PPP1R12B: variants seen among roughly 807,000 people sequenced by gnomAD.
PPP1R12B encodes the protein protein phosphatase 1 regulatory subunit 12B.
Under a neutral mutation model 126.1 loss-of-function variants are expected in PPP1R12B, and 76 were observed. The ratio of observed to expected loss-of-function variants is 0.60; its 90% CI spans 0.50 to 0.73. The LOEUF (loss-of-function observed/expected upper bound fraction) is 0.73, where lower values mean the gene tolerates loss of function less well. Among genes scored for constraint, PPP1R12B ranks in the 30% least tolerant of loss-of-function variants. The pLI, the probability that PPP1R12B is intolerant of heterozygous loss-of-function variation, is 0.00. For synonymous variants in PPP1R12B, 356 were observed against 434.7 expected, an observed-to-expected ratio of 0.82 and a Z score of 2.25; for missense variants, 1,052 against 1,205.1, an observed-to-expected ratio of 0.87 and a Z score of 1.88.
chr1:202,486,142 A>C (rs1171339749), intron 13 of PPP1R12B, among the ~76,000 whole-genome samples: 1 of 152,176 alleles, frequency 6.6e-6, no homozygotes, highest in South Asian at 2.1e-4. Flanking sequence ...TGGGCCTCCC[A>C]AAGTGTTGGG....
intron 1 of PPP1R12B, among the ~76,000 whole-genome samples, chr1:202,407,246 A>T (rs1666740196): frequency 6.6e-6 from 1 of 152,214 alleles, no homozygotes; most frequent in South Asian, 2.1e-4. Context: ...CGAAGGGCTT[A>T]TTAGAATCCA....
intron 13 of PPP1R12B, chr1:202,462,916 T>C (rs1319445032): frequency 1.0e-6 from 1 of 985,230 alleles, no homozygotes; most frequent in African/African-American, 1.7e-5. Flanking sequence ...GATCTGGCAA[T>C]AGAGTTCCTT....
chr1:202,365,980 A>T (rs1571608470), intron 1 of PPP1R12B, among the ~76,000 whole-genome samples: 1 of 151,852 alleles, frequency 6.6e-6, no homozygotes, highest in African/African-American at 2.4e-5. Context: ...ACCGAGCAAG[A>T]CCCTGTCCCT....
chr1:202,427,001 T>C (rs1424042548), intron 4 of PPP1R12B, 39 bp from the exon 5 acceptor site: 22 of 1,598,288 alleles, frequency 1.4e-5, no homozygotes, highest in Non-Finnish European at 1.9e-5. Context: ...AATTGTAATA[T>C]ACAGAAGATA....
rs189673437 is a variant in PPP1R12B at position 202,549,291 on chromosome 1, G to A, written c.2491-9586G>A. 4.9e-3 allele frequency among the ~76,000 whole-genome samples: 742 copies of A among 152,146 alleles called. 2 individuals are homozygous for A. The highest frequency in any genetic ancestry group is 9.1e-3 in the South Asian group (44 of 4,824). On this transcript the variant is annotated intron_variant, in intron 18 of 23. Transcript: ENST00000608999. ...GACTTCAAGCTGATGTATCCACTAA[G>A]CTTGTTCCTTCCATTATCACCTTGC... is the stretch of plus-strand genomic sequence containing the variant.
intron 18 of PPP1R12B, among the ~76,000 whole-genome samples, chr1:202,551,399 G>A (rs552996940): frequency 1.3e-3 from 202 of 152,222 alleles, no homozygotes; most frequent in African/African-American, 4.0e-3. Context: ...ATGGACGCCT[G>A]TTTTTTTCCC....
At chr1:202,393,085 A>G (rs1664382150) in intron 1 of PPP1R12B, among the ~76,000 whole-genome samples, 2 of 152,098 alleles carry the variant, frequency 1.3e-5, no homozygotes, top group Non-Finnish European at 2.9e-5. Flanking sequence ...GGCTGGGACT[A>G]CAGGCACACA....
At chr1:202,575,456 C>T (rs770540465) in intron 23 of PPP1R12B, 18 of 285,852 alleles carry the variant, frequency 6.3e-5, no homozygotes, top group Non-Finnish European at 1.2e-4. Context: ...CATAGGTATA[C>T]ACGTGTATGT....
At position 202,493,007 on chromosome 1, in the gene PPP1R12B, A is replaced by G. The variant is rs16865594; in HGVS notation, c.1942-107A>G. On this transcript the variant is annotated intron_variant, in intron 14 of 23. Transcript: ENST00000608999. The stretch of plus-strand genomic sequence containing the variant: ...CTCATTATGCATTTTGAGGGGCTTC[A>G]TTTTGGGATTTGATAACTATTAGGT... 2.2e-3 allele frequency: 2,692 copies of G among 1,215,850 alleles called. 50 individuals are homozygous for G. In the African/African-American group the frequency reaches 0.037, roughly 17 times the overall value. The allele number at this position is 1,215,850 out of a possible 1,614,324, so 75.3% of individuals were successfully genotyped here. A position where few individuals can be genotyped will look rare whatever the true frequency, so the allele number is the denominator to read the frequency against.
intron 1 of PPP1R12B, among the ~76,000 whole-genome samples, chr1:202,366,034 TTATAGAGA>T (rs1163449552): frequency 1.3e-5 from 2 of 151,986 alleles, no homozygotes; most frequent in African/African-American, 4.8e-5. Flanking sequence ...AGACATAGTT[TTATAGAGA>T]TAGGATTCTT....
rs140808394 is a variant in PPP1R12B at position 202,584,565 on chromosome 1, C to T, written c.*4005C>T. 1.3e-5 allele frequency: 2 copies of T among 152,332 alleles called. No individual in the cohort carries two copies. Among genetic ancestry groups the T allele is most frequent in the African/African-American group, 2.4e-5 (1 of 41,572 alleles). 9.4% of individuals were successfully genotyped at this position (152,332 alleles called of 1,614,324 possible). A position where few individuals can be genotyped will look rare whatever the true frequency, so the allele number is the denominator to read the frequency against. ...TCTGGATTTTTGGCCTGTTTGCAGCCTCTCCTAGCCACAGACAGACACTGT... is the reference window on the plus strand; with the variant it reads ...TCTGGATTTTTGGCCTGTTTGCAGCTTCTCCTAGCCACAGACAGACACTGT... On this transcript the variant is annotated 3_prime_UTR_variant, in exon 24 of 24. Transcript: ENST00000608999.
intron 1 of PPP1R12B, among the ~76,000 whole-genome samples, chr1:202,353,221 G>A (rs1656364040): frequency 6.6e-6 from 1 of 152,134 alleles, no homozygotes; most frequent in Non-Finnish European, 1.5e-5. Context: ...TAAAACTTGT[G>A]CTTTTAACCT....
rs550494552 is a variant in PPP1R12B, at chr1:202,586,367, G to C, written c.*5807G>C. 6.6e-6 allele frequency: 1 copy of C among 152,428 alleles called. No homozygotes were observed. The highest frequency in any genetic ancestry group is 1.9e-4 in the East Asian group (1 of 5,188). 9.4% of individuals were successfully genotyped at this position (152,428 alleles called of 1,614,324 possible). On this transcript the variant is annotated 3_prime_UTR_variant, in exon 24 of 24. Coordinates refer to ENST00000608999, the MANE Select transcript of PPP1R12B (RefSeq NM_002481.4). ...ACATAGAGCAGGGTGGAAGCTGCAA[G>C]TACTGGGAAGGAAGAGAGTTTCACA...
At chr1:202,378,583 G>C (rs186013122) in intron 1 of PPP1R12B, among the ~76,000 whole-genome samples, 1 of 151,978 alleles carries the variant, frequency 6.6e-6, no homozygotes, top group Non-Finnish European at 1.5e-5. Flanking sequence ...AAGTTCAAGC[G>C]ATTCTCCTGC....
chr1:202,590,995 A>G lies in PPP1R12B; in HGVS notation c.*10435A>G, dbSNP rs977263196. 2 of 152,260 alleles carry G rather than the reference A, an allele frequency of 1.3e-5. No homozygotes were observed. Among genetic ancestry groups the G allele is most frequent in the African/African-American group, 4.8e-5 (2 of 41,442 alleles). 9.4% of individuals were successfully genotyped at this position (152,260 alleles called of 1,614,324 possible). A position where few individuals can be genotyped will look rare whatever the true frequency, so the allele number is the denominator to read the frequency against. On this transcript the variant is annotated 3_prime_UTR_variant, in exon 24 of 24. Coordinates refer to ENST00000608999, the MANE Select transcript of PPP1R12B (RefSeq NM_002481.4). Reference sequence around the variant, plus strand: ...CTGGTGCCCCATGCACACTGCTCCCATCACCTCACCAGACAGATGCTCTCT... The same window carrying G: ...CTGGTGCCCCATGCACACTGCTCCCGTCACCTCACCAGACAGATGCTCTCT...
intron 3 of PPP1R12B, among the ~76,000 whole-genome samples, chr1:202,423,542 G>A (rs994953352): frequency 8.5e-5 from 13 of 152,182 alleles, no homozygotes; most frequent in African/African-American, 3.1e-4. Context: ...TGATAGATTG[G>A]ATGAACCACA....
Position 202,382,875 on chromosome 1 carries a change from C to CAA in PPP1R12B, c.291+33746_291+33747dup, listed in dbSNP as rs764971866. Among the ~76,000 whole-genome samples the CAA allele has an allele frequency of 1.8e-4, 15 of 85,238 alleles. 1 individual carries two copies. In the South Asian group the frequency reaches 4.0e-3, roughly 23 times the overall value. The allele number at this position is 85,238 out of a possible 152,430, so 55.9% of individuals were successfully genotyped here. A position where few individuals can be genotyped will look rare whatever the true frequency, so the allele number is the denominator to read the frequency against. On this transcript the variant is annotated intron_variant, in intron 1 of 23. Transcript: ENST00000608999. ...TGGGGGACAGAGTAAGACTCTGTCT[C>CAA]AAAAAAAAAAAAAAGGTTGACTGTG... is the stretch of plus-strand genomic sequence containing the variant.
At position 202,586,674 on chromosome 1, in the gene PPP1R12B, A is replaced by G. The variant is rs1689832015; in HGVS notation, c.*6114A>G. 1 of 152,276 alleles carries G rather than the reference A, an allele frequency of 6.6e-6. No individual in the cohort carries two copies. Among genetic ancestry groups the G allele is most frequent in the South Asian group, 2.1e-4 (1 of 4,838 alleles). The allele number at this position is 152,276 out of a possible 1,614,324, so 9.4% of individuals were successfully genotyped here. A position where few individuals can be genotyped will look rare whatever the true frequency, so the allele number is the denominator to read the frequency against. On this transcript the variant is annotated 3_prime_UTR_variant, in exon 24 of 24. Coordinates refer to ENST00000608999, the MANE Select transcript of PPP1R12B (RefSeq NM_002481.4). ...CACAGAATCTTGGCCAGCAGCCAGC[A>G]GCTGCATGGTGAAAGATGCATTCAC...
chr1:202,352,985 T>G (rs6658708), intron 1 of PPP1R12B, among the ~76,000 whole-genome samples: 61,318 of 152,124 alleles, frequency 0.4, 14,590 homozygotes, highest in East Asian at 0.7. Context: ...CAGTTTGTAG[T>G]TGAATAAGCC....
Sources: gnomAD v4.1 joint callset for allele counts (sites outside exome capture counted in the v4.1 genomes callset) on GRCh38, gnomAD v4.1.1 for gene constraint, MANE v1.5 for transcripts, NCBI Gene and HGNC (gene_info 2026-07-23, HGNC 2026-07-21) for gene names.